NCOR2: variants seen among roughly 807,000 people sequenced by gnomAD.
The protein encoded by NCOR2 is CTG repeat protein 26.
NCOR2 carries 81 observed loss-of-function variants against 262.9 expected under a neutral mutation model. That is an observed-to-expected ratio of 0.31 (90% CI 0.26 to 0.37). NCOR2 has a LOEUF of 0.37. NCOR2 is among the 10% of genes least tolerant of loss of function. The pLI is 1.00. For missense variants in NCOR2, 3,385 were observed against 3,621.4 expected (o/e 0.93, Z 1.68); for synonymous variants, 1,659 against 1,559.3 (o/e 1.06, Z -1.51).
chr12:124,536,270 G>A (rs1594025190), upstream of NCOR2, among the ~76,000 whole-genome samples: 1 of 152,022 alleles, frequency 6.6e-6, no homozygotes, highest in East Asian at 1.9e-4. Context: ...TAGAGACAGG[G>A]TCTCACCATG....
At chr12:124,327,333 A>G in intron 45 of NCOR2, 76 bp downstream of exon 47, 2 of 1,134,700 alleles carry the variant, frequency 1.8e-6, no homozygotes, top group Non-Finnish European at 2.4e-6. Context: ...GGGTTGTCAG[A>G]GGAGCGCGGA....
In NCOR2 at chr12:124,511,504, C is replaced by T. The variant is rs911687352; in HGVS notation, c.-117-16136G>A. 2.0e-5 allele frequency among the ~76,000 whole-genome samples: 3 copies of T among 152,150 alleles called. No individual in the cohort carries two copies. In the East Asian group the frequency reaches 5.8e-4, roughly 29 times the overall value. The stretch of plus-strand genomic sequence containing the variant: ...CGGGTTCTGCAGGAGTCACCAGACG[C>T]GTGGGGAAAGGGCGTCCGGGGCCTG... On this transcript the variant is annotated intron_variant, in intron 1 of 46. Transcript: ENST00000404621.
At chr12:124,537,575 A>G (rs910711337), upstream of NCOR2, among the ~76,000 whole-genome samples, 4 of 152,254 alleles carry the variant, frequency 2.6e-5, no homozygotes, top group African/African-American at 9.6e-5. Context: ...CATTTTAAAA[A>G]TGCTGACCCC....
intron 4 of NCOR2, among the ~76,000 whole-genome samples, chr12:124,469,841 A>G (rs2136677905): frequency 6.6e-6 from 1 of 152,336 alleles, no homozygotes; most frequent in South Asian, 2.1e-4. Context: ...GGATGGCTGG[A>G]ATCAAAAACA....
Position 124,374,398 on chromosome 12 carries a change from C to T in NCOR2, c.2218+15G>A, listed in dbSNP as rs754790762. ...GCCCGGCCCTACCCCCCAGGCCAGC[C>T]GGCCACATTCGTACCTGGGCCACTG... On this transcript the variant is annotated intron_variant, in intron 19 of 46. Coordinates refer to ENST00000405201, the Ensembl canonical transcript of NCOR2. 12 of 1,611,994 alleles carry T rather than the reference C, an allele frequency of 7.4e-6. No homozygotes were observed. Among genetic ancestry groups the T allele is most frequent in the Middle Eastern group, 1.7e-4 (1 of 6,034 alleles).
chr12:124,377,729 C>T (rs2040115828), intron 18 of NCOR2, among the ~76,000 whole-genome samples: 1 of 151,714 alleles, frequency 6.6e-6, no homozygotes, highest in African/African-American at 2.4e-5. Flanking sequence ...ATCCCAGCTA[C>T]TCAGGAGGCT....
At chr12:124,492,146 G>A (rs1313453937) in intron 1 of NCOR2, among the ~76,000 whole-genome samples, 2 of 152,338 alleles carry the variant, frequency 1.3e-5, no homozygotes, top group African/African-American at 4.8e-5. Flanking sequence ...CCATTCCACC[G>A]CCAGCTCGGC....
chr12:124,425,542 T>C (rs762008157), intron 11 of NCOR2, among the ~76,000 whole-genome samples: 24 of 152,136 alleles, frequency 1.6e-4, no homozygotes, highest in Non-Finnish European at 3.1e-4. Context: ...CCCGGAATTA[T>C]AGCACACTGT....
chr12:124,360,784 C>T (rs964519375), intron 22 of NCOR2, among the ~76,000 whole-genome samples: 12 of 149,712 alleles, frequency 8.0e-5, no homozygotes, highest in Non-Finnish European at 1.8e-4. Context: ...GCTCCCACTG[C>T]GGGGCTGCTT....
chr12:124,555,552 C>T (rs1249426752), intron 1 of NCOR2, among the ~76,000 whole-genome samples: 1 of 152,228 alleles, frequency 6.6e-6, no homozygotes, highest in Non-Finnish European at 1.5e-5. Context: ...TACCCCCATT[C>T]TACAGATGCG....
chr12:124,543,936 A>C (rs1333141922), intron 1 of NCOR2, among the ~76,000 whole-genome samples: 2 of 152,142 alleles, frequency 1.3e-5, no homozygotes, highest in Non-Finnish European at 2.9e-5. Context: ...GCCCCTTACG[A>C]TGATTAACTC....
chr12:124,502,973 A>T (rs147171106), intron 1 of NCOR2, among the ~76,000 whole-genome samples: 37 of 152,308 alleles, frequency 2.4e-4, no homozygotes, highest in African/African-American at 8.9e-4. Context: ...CACTTGGCAG[A>T]AAGGTCATTC....
chr12:124,334,360 G>A, intron 41 of NCOR2, 64 bp downstream of exon 43: 4 of 1,241,980 alleles, frequency 3.2e-6, no homozygotes, highest in East Asian at 2.9e-5. Flanking sequence ...CAGCTCTGAG[G>A]CAGGCAGCTG....
intron 14 of NCOR2, 38 bp from the exon 17 acceptor site, chr12:124,400,711 G>A (rs369172035): frequency 3.3e-5 from 53 of 1,602,044 alleles, no homozygotes; most frequent in East Asian, 1.1e-4. Context: ...GGCTTCACCC[G>A]AGCCGGGAAA....
Position 124,402,422 on chromosome 12 carries a change from T to C in NCOR2, c.1622A>G (p.Asp541Gly), listed in dbSNP as rs765775462. The change falls in exon 14 of 47, where the codon GAC becomes GGC. Residue 541 changes from aspartate to glycine, a missense_variant. This residue lies in a region of NCOR2 where 515 missense variants were observed against 781.2 expected (regional missense o/e 0.66). Transcript: ENST00000405201. ...GCCTTACTTGAGGAGGTCTTCCTTGTCGTTCTCCACCTCCGGCTTCTCCTC... is the reference window on the plus strand; with the variant it reads ...GCCTTACTTGAGGAGGTCTTCCTTGCCGTTCTCCACCTCCGGCTTCTCCTC... 10 of 1,614,050 alleles carry C rather than the reference T, an allele frequency of 6.2e-6. No homozygotes were observed. In the African/African-American group the frequency reaches 1.2e-4, roughly 19 times the overall value.
At chr12:124,362,842 G>C (rs2038717218) in intron 21 of NCOR2, among the ~76,000 whole-genome samples, 2 of 150,988 alleles carry the variant, frequency 1.3e-5, no homozygotes, top group Admixed American at 1.3e-4. Flanking sequence ...ACCTGGCCCA[G>C]CTGCCTGGTG....
chr12:124,532,219 C>T (rs1276101286), intron 1 of NCOR2, among the ~76,000 whole-genome samples: 1 of 152,112 alleles, frequency 6.6e-6, no homozygotes, highest in Non-Finnish European at 1.5e-5. Context: ...TTGTCTCCCC[C>T]ATGCCCCCTT....
In NCOR2 at chr12:124,346,555, G is replaced by C. The variant is rs745380653; in HGVS notation, c.4359+9C>G. The C allele has an allele frequency of 1.6e-5, 24 of 1,527,596 alleles. No individual in the cohort carries two copies. The highest frequency in any genetic ancestry group is 1.9e-5 in the Non-Finnish European group (22 of 1,142,302). 94.6% of individuals were successfully genotyped at this position (1,527,596 alleles called of 1,614,324 possible). Reference sequence around the variant, plus strand: ...GAACTGGGCCCGTGTGCCTGGCCCTGGGCCATACCTGCGTGATGGAGCCCT... The same window carrying C: ...GAACTGGGCCCGTGTGCCTGGCCCTCGGCCATACCTGCGTGATGGAGCCCT... On this transcript the variant is annotated intron_variant, in intron 31 of 46. Coordinates refer to ENST00000405201, the Ensembl canonical transcript of NCOR2.
At chr12:124,438,164 G>A (rs1287220539) in intron 7 of NCOR2, among the ~76,000 whole-genome samples, 168 bp from the exon 10 acceptor site, 6 of 152,090 alleles carry the variant, frequency 3.9e-5, no homozygotes, top group Admixed American at 2.6e-4. Flanking sequence ...AGCTGCCAAC[G>A]TGCATCCTTA....
Sources: allele counts gnomAD v4.1 joint callset (sites outside exome capture counted in the v4.1 genomes callset), GRCh38; gene constraint gnomAD v4.1.1; regional missense constraint gnomAD v4.1.1; transcripts MANE v1.5; gene names NCBI Gene and HGNC (gene_info 2026-07-23, HGNC 2026-07-21).